The following TBL1X variants were observed in gnomAD, a reference collection of about 807,000 sequenced individuals.
The protein encoded by TBL1X is transducin beta like 1 X-linked.
In TBL1X, 10 loss-of-function variants were observed where a neutral mutation model predicts 50.7. The observed-to-expected ratio is 0.20, with a 90% confidence interval of 0.12 to 0.33. The LOEUF (loss-of-function observed/expected upper bound fraction) is 0.33, where lower values mean the gene tolerates loss of function less well. Among genes scored for constraint, TBL1X ranks in the 10% least tolerant of loss-of-function variants. TBL1X has a pLI of 1.00. For missense variants in TBL1X, 340 were observed against 504.4 expected (o/e 0.67, Z 3.12); for synonymous variants, 190 against 214.7 (o/e 0.88, Z 1.01).
At chrX:9,650,205 A>G (rs2082826007) in intron 3 of TBL1X, among the ~76,000 whole-genome samples, 1 of 112,745 alleles carries the variant, frequency 8.9e-6, no homozygotes, top group Non-Finnish European at 1.9e-5. Context: ...CTAAAGAGCA[A>G]TGGTTCTCGG....
intron 2 of TBL1X, among the ~76,000 whole-genome samples, chrX:9,615,426 A>G (rs1039840562): frequency 2.7e-5 from 3 of 111,983 alleles, no homozygotes; most frequent in African/African-American, 9.8e-5. Flanking sequence ...AAGAGATTCC[A>G]CCCTAGTCCC....
chrX:9,539,503 C>T (rs1363108689), intron 2 of TBL1X, among the ~76,000 whole-genome samples: 2 of 111,677 alleles, frequency 1.8e-5, no homozygotes, highest in South Asian at 3.8e-4. Context: ...CTCCCCTCTT[C>T]TCCTCATGGC....
At chrX:9,469,128 T>C (rs769557376) in intron 1 of TBL1X, among the ~76,000 whole-genome samples, 34 of 110,926 alleles carry the variant, frequency 3.1e-4, no homozygotes, top group African/African-American at 1.1e-3. Context: ...TCGACCGACA[T>C]AGAATTATTA....
At chrX:9,564,675 G>A (rs1255674040) in intron 2 of TBL1X, among the ~76,000 whole-genome samples, 5 of 109,641 alleles carry the variant, frequency 4.6e-5, no homozygotes, top group South Asian at 4.0e-4. Flanking sequence ...GGAGCTTGCC[G>A]TGAGCCAAGA....
intron 3 of TBL1X, among the ~76,000 whole-genome samples, chrX:9,649,424 T>G (rs1198115161): frequency 8.9e-6 from 1 of 112,100 alleles, no homozygotes; most frequent in East Asian, 2.8e-4. Context: ...TTTTCTCTTC[T>G]GCTTAGAAAT....
intron 2 of TBL1X, among the ~76,000 whole-genome samples, chrX:9,591,622 G>A (rs761062121): frequency 2.7e-5 from 3 of 112,038 alleles, no homozygotes; most frequent in South Asian, 3.7e-4. Context: ...GTGCCCAGAG[G>A]GGGGAAGAGC....
At chrX:9,526,203 G>T (rs2082132110) in intron 2 of TBL1X, among the ~76,000 whole-genome samples, 1 of 111,077 alleles carries the variant, frequency 9.0e-6, no homozygotes, top group Non-Finnish European at 1.9e-5. Flanking sequence ...CAGCCTCTTT[G>T]TAATACCTGG....
intron 2 of TBL1X, among the ~76,000 whole-genome samples, chrX:9,525,254 T>A (rs1028859942): frequency 8.9e-6 from 1 of 111,994 alleles, no homozygotes; most frequent in African/African-American, 3.3e-5. Context: ...GATAGCTGTT[T>A]TTGTTCTCCT....
At chrX:9,651,583 TTTG>T (rs1423300805) in intron 3 of TBL1X, among the ~76,000 whole-genome samples, 1 of 112,516 alleles carries the variant, frequency 8.9e-6, no homozygotes, top group East Asian at 2.8e-4. Context: ...TAGATAGATT[TTTG>T]TTGTTTTATT....
intron 2 of TBL1X, among the ~76,000 whole-genome samples, chrX:9,566,928 C>T (rs1274751946): frequency 6.2e-5 from 7 of 112,098 alleles, no homozygotes; most frequent in Non-Finnish European, 7.5e-5. Context: ...GCTGAGGAAA[C>T]TCTGGTGCAG....
chrX:9,664,165 C>T (rs1021511179), intron 5 of TBL1X, among the ~76,000 whole-genome samples: 1 of 112,209 alleles, frequency 8.9e-6, no homozygotes, highest in African/African-American at 3.2e-5. Flanking sequence ...AGGTGCACAG[C>T]ACTTCACTAG....
chrX:9,467,023 C>T (rs1304734453), intron 1 of TBL1X, among the ~76,000 whole-genome samples: 2 of 111,994 alleles, frequency 1.8e-5, no homozygotes, highest in Non-Finnish European at 1.9e-5. Flanking sequence ...GCCCCTTTAC[C>T]TCAGAGAACT....
intron 5 of TBL1X, among the ~76,000 whole-genome samples, chrX:9,675,330 A>T (rs2082986884): frequency 8.9e-6 from 1 of 112,061 alleles, no homozygotes; most frequent in Non-Finnish European, 1.9e-5. Context: ...GGAGGAAAAG[A>T]TGCTGGCAAG....
At chrX:9,676,000 G>A (rs1169786365) in intron 5 of TBL1X, among the ~76,000 whole-genome samples, 1 of 111,968 alleles carries the variant, frequency 8.9e-6, no homozygotes, top group Non-Finnish European at 1.9e-5. Flanking sequence ...AACAATGTGA[G>A]TTAATTTCTC....
At chrX:9,492,893 G>A (rs2681637) in intron 1 of TBL1X, among the ~76,000 whole-genome samples, 1,642 of 18,871 alleles carry the variant, frequency 0.087, 148 homozygotes, top group African/African-American at 0.29. Context: ...GTGTGTGTGT[G>A]TGTGTAGGGG....
At chrX:9,544,851 C>G (rs971099903) in intron 2 of TBL1X, among the ~76,000 whole-genome samples, 3 of 111,547 alleles carry the variant, frequency 2.7e-5, no homozygotes, top group Non-Finnish European at 5.6e-5. Context: ...CAGGCGTGAG[C>G]CACTGCACCC....
At chrX:9,503,732 G>A (rs760669735) in intron 2 of TBL1X, among the ~76,000 whole-genome samples, 1 of 112,718 alleles carries the variant, frequency 8.9e-6, no homozygotes, top group African/African-American at 3.2e-5. Context: ...GGGGCGGGGC[G>A]CTTCCCTGCT....
intron 1 of TBL1X, among the ~76,000 whole-genome samples, chrX:9,472,139 A>G (rs1266779620): frequency 1.8e-5 from 2 of 112,299 alleles, no homozygotes; most frequent in Non-Finnish European, 3.8e-5. Flanking sequence ...TAGGATTTAG[A>G]GTCCATGTGA....
chrX:9,541,957 T>A (rs1186678429), intron 2 of TBL1X, among the ~76,000 whole-genome samples: 3 of 109,102 alleles, frequency 2.7e-5, no homozygotes, highest in Non-Finnish European at 5.7e-5. Flanking sequence ...TTTTTTTTTT[T>A]AACAAAAATC....
Sources: allele counts gnomAD v4.1 joint callset (sites outside exome capture counted in the v4.1 genomes callset), GRCh38; gene constraint gnomAD v4.1.1; transcripts MANE v1.5; gene names NCBI Gene and HGNC (gene_info 2026-07-23, HGNC 2026-07-21).